SLC6A8: variants seen among roughly 807,000 people sequenced by gnomAD.
SLC6A8 encodes the protein solute carrier family 6 member 8.
In SLC6A8, 6 loss-of-function variants were observed where a neutral mutation model predicts 48.3. The observed-to-expected ratio is 0.12, with a 90% CI of 0.07 to 0.25. The LOEUF (loss-of-function observed/expected upper bound fraction) is 0.25, where lower values mean the gene tolerates loss of function less well. Among genes scored for constraint, SLC6A8 ranks in the 10% least tolerant of loss-of-function variants. The probability of loss-of-function intolerance (pLI) is 1.00; values close to 1 mark genes in which losing one functional copy is unlikely to be tolerated. For synonymous variants in SLC6A8, 245 were observed against 244.0 expected (o/e 1.00, Z -0.04); for missense variants, 260 against 551.5 (o/e 0.47, Z 5.29).
chrX:153,696,120 T>A lies in SLC6A8; in HGVS notation c.*906T>A. 1 of 210,486 alleles carries A rather than the reference T, an allele frequency of 4.8e-6. No individual in the cohort carries two copies. Among genetic ancestry groups the A allele is most frequent in the Non-Finnish European group, 8.9e-6 (1 of 112,585 alleles). 17.3% of individuals were successfully genotyped at this position (210,486 alleles called of 1,213,427 possible). Reference sequence around the variant, plus strand: ...CAAAAGCTTCGAGCTGTTGCGTGTGTGAGTCTGTTGTGTGGATGTGCGTGT... The same window carrying A: ...CAAAAGCTTCGAGCTGTTGCGTGTGAGAGTCTGTTGTGTGGATGTGCGTGT... On this transcript the variant is annotated 3_prime_UTR_variant, in exon 13 of 13. Coordinates refer to ENST00000253122, the MANE Select transcript of SLC6A8 (RefSeq NM_005629.4).
Position 153,696,204 on chromosome X carries a change from C to G in SLC6A8, c.*990C>G, listed in dbSNP as rs1557046163. Reference sequence around the variant, plus strand: ...GCATGGTGGGGGCCTCGGGGCTGTCCCCACGCTGTCCCTTTGCCACAAGTC... The same window carrying G: ...GCATGGTGGGGGCCTCGGGGCTGTCGCCACGCTGTCCCTTTGCCACAAGTC... On this transcript the variant is annotated 3_prime_UTR_variant, in exon 13 of 13. Transcript: ENST00000253122. The G allele has an allele frequency of 1.9e-5, 5 of 262,439 alleles. No homozygotes were observed. 21.6% of individuals were successfully genotyped at this position (262,439 alleles called of 1,213,427 possible).
At position 153,693,115 on chromosome X, in the gene SLC6A8, C is replaced by T. The variant is rs1557044971; in HGVS notation, c.852C>T (p.Gly284=). The T allele has an allele frequency of 9.9e-6, 12 of 1,208,916 alleles. No homozygotes were observed. The highest frequency in any genetic ancestry group is 5.3e-5 in the South Asian group (3 of 56,745). ...TGGTGCGTGGAGTGCTGCTGCCTGG[C>T]GCCCTGGATGGCATCATTTACTATC... ...VLLVRGVLLP[G]ALDGIIYYLK... is the part of the protein sequence containing the mutation. Residue 284 remains glycine, a synonymous_variant, in exon 5 of 13, where the codon GGC becomes GGT. Coordinates refer to ENST00000253122, the MANE Select transcript of SLC6A8 (RefSeq NM_005629.4).
Position 153,696,371 on chromosome X carries a change from A to G in SLC6A8, c.*1157A>G. 3.0e-6 allele frequency: 1 copy of G among 331,196 alleles called. No individual in the cohort carries two copies. Among genetic ancestry groups the G allele is most frequent in the Admixed American group, 3.1e-5 (1 of 32,317 alleles). 27.3% of individuals were successfully genotyped at this position (331,196 alleles called of 1,213,427 possible). ...CCACGTCCAGGCTTAAGGTGGATGC[A>G]CTTCCCGCACCTCCAGTCTTCTGTG... On this transcript the variant is annotated 3_prime_UTR_variant, in exon 13 of 13. Transcript: ENST00000253122.
At chrX:153,691,159 G>A in intron 2 of SLC6A8, 145 bp from the exon 3 acceptor site, 2 of 640,108 alleles carry the variant, frequency 3.1e-6, no homozygotes, top group Non-Finnish European at 2.5e-6. Context: ...ACACAAGGGG[G>A]AGCCCAGGGG....
rs1175985242 is a variant in SLC6A8 at position 153,694,760 on chromosome X, C to G, written c.1638C>G (p.Val546=). The G allele has an allele frequency of 8.3e-7, 1 of 1,211,005 alleles. No homozygotes were observed. The highest frequency in any genetic ancestry group is 1.1e-6 in the Non-Finnish European group (1 of 895,042). The part of the protein sequence containing the change: ...IFNVVYYEPL[V]YNNTYVYPWW... ...ACGTTGTGTACTACGAGCCGCTGGT[C>G]TACAACAACACCTACGTGTACCCGT... The change falls in exon 12 of 13, where the codon GTC becomes GTG. Residue 546 remains valine (V), a synonymous_variant. Transcript: ENST00000253122.
At position 153,690,572 on chromosome X, in the gene SLC6A8, CTT is replaced by C. The variant is rs2091449548; in HGVS notation, c.394+69_394+70del. Reference sequence around the variant, plus strand: ...CCCAGCTGGCTCCCACTTGAGAAATCTTTTCCTGTCGTGAGCACCAGGCCTGG... The same window carrying C: ...CCCAGCTGGCTCCCACTTGAGAAATCTTCCTGTCGTGAGCACCAGGCCTGG... On this transcript the variant is annotated intron_variant, in intron 2 of 12. Transcript: ENST00000253122. The C allele has an allele frequency of 5.4e-6, 6 of 1,104,055 alleles. No individual in the cohort carries two copies. The South Asian group carries it at 9.8e-5, about 18-fold the overall frequency. The allele number at this position is 1,104,055 out of a possible 1,213,427, so 91.0% of individuals were successfully genotyped here.
chrX:153,690,792 A>G (rs1453319762), intron 2 of SLC6A8: 6 of 333,004 alleles, frequency 1.8e-5, no homozygotes, highest in African/African-American at 1.6e-4. Flanking sequence ...TCCTACTGTT[A>G]CTATCCCCAA....
chrX:153,689,166 G>C (rs1224298180), intron 1 of SLC6A8, among the ~76,000 whole-genome samples: 12 of 112,405 alleles, frequency 1.1e-4, no homozygotes, highest in African/African-American at 3.5e-4. Flanking sequence ...AAGGAGCCCT[G>C]GCTGCCCCCA....
In SLC6A8 at chrX:153,693,775, C is replaced by T. The variant is rs141015652; in HGVS notation, c.1142-130C>T. 4,307 of 795,312 alleles carry T rather than the reference C, an allele frequency of 5.4e-3. 94 individuals are homozygous for T. The African/African-American group carries it at 0.059, about 11-fold the overall frequency. The allele number at this position is 795,312 out of a possible 1,213,427, so 65.5% of individuals were successfully genotyped here. On this transcript the variant is annotated intron_variant, in intron 7 of 12. Coordinates refer to ENST00000253122, the MANE Select transcript of SLC6A8 (RefSeq NM_005629.4). ...AGAGAAAGGACCTCCCAGCCCCTGC[C>T]GCACGACCCAGGGTTGACAGCGCCT...
chrX:153,694,065 G>A, intron 8 of SLC6A8, 48 bp downstream of exon 8: 1 of 1,199,973 alleles, frequency 8.3e-7, no homozygotes. Flanking sequence ...GGCGGAGGGA[G>A]GGCTGCAGGC....
Position 153,695,799 on chromosome X carries a change from T to C in SLC6A8, c.*585T>C, listed in dbSNP as rs782427829. ...CTGCGCCAATCGCCACCAGTATCAA[T>C]TGTGTGAGCTTGGGTGCGAGTGCAC... On this transcript the variant is annotated 3_prime_UTR_variant, in exon 13 of 13. Transcript: ENST00000253122. 1 of 138,856 alleles carries C rather than the reference T, an allele frequency of 7.2e-6. No homozygotes were observed. Among genetic ancestry groups the C allele is most frequent in the East Asian group, 1.9e-4 (1 of 5,164 alleles). 11.4% of individuals were successfully genotyped at this position (138,856 alleles called of 1,213,427 possible).
In SLC6A8 at chrX:153,695,447, C is replaced by A; in HGVS notation, c.*233C>A. ...ATGCCTCTCCCCCTCCAGCCCTAGC[C>A]GAGCTGGTCCTAGGCCCCGCCTAGT... is the stretch of plus-strand genomic sequence containing the variant. On this transcript the variant is annotated 3_prime_UTR_variant, in exon 13 of 13. Coordinates refer to ENST00000253122, the MANE Select transcript of SLC6A8 (RefSeq NM_005629.4). 1 of 428,034 alleles carries A rather than the reference C, an allele frequency of 2.3e-6. No homozygotes were observed. Among genetic ancestry groups the A allele is most frequent in the Non-Finnish European group, 4.1e-6 (1 of 242,506 alleles). The allele number at this position is 428,034 out of a possible 1,213,427, so 35.3% of individuals were successfully genotyped here. A position where few individuals can be genotyped will look rare whatever the true frequency, so the allele number is the denominator to read the frequency against.
Position 153,693,104 on chromosome X carries a change from C to A in SLC6A8, c.841C>A (p.Leu281Met), listed in dbSNP as rs2091466286. The A allele has an allele frequency of 8.3e-7, 1 of 1,210,554 alleles. No homozygotes were observed. Among genetic ancestry groups the A allele is most frequent in the Non-Finnish European group, 1.1e-6 (1 of 894,705 alleles). Reference protein sequence around the residue: ...VLVVLLVRGVLLPGALDGIIY... With the variant: ...VLVVLLVRGVMLPGALDGIIY... ...GGTCGTGCTGCTGGTGCGTGGAGTG[C>A]TGCTGCCTGGCGCCCTGGATGGCAT... Residue 281 changes from leucine to methionine, a missense_variant, in exon 5 of 13, where the codon CTG (leucine) becomes ATG (methionine). This residue lies in a region of SLC6A8 where 75 missense variants were observed against 248.8 expected (regional missense o/e 0.30). Coordinates refer to ENST00000253122, the MANE Select transcript of SLC6A8 (RefSeq NM_005629.4).
At chrX:153,692,311 C>T in intron 4 of SLC6A8, 1 of 487,342 alleles carries the variant, frequency 2.1e-6, no homozygotes, top group Non-Finnish European at 3.8e-6. Context: ...CCCTGGCAGG[C>T]ACTGTCCCTT....
intron 1 of SLC6A8, among the ~76,000 whole-genome samples, chrX:153,690,012 T>C (rs782626875): frequency 1.8e-5 from 2 of 112,823 alleles, no homozygotes; most frequent in Non-Finnish European, 3.8e-5. Context: ...CACATGCACG[T>C]GCCCTCACTG....
chrX:153,692,621 A>C (rs2091462336), intron 4 of SLC6A8: 4 of 338,374 alleles, frequency 1.2e-5, no homozygotes, highest in African/African-American at 2.7e-5. Flanking sequence ...GCCCAGTTCC[A>C]CTCTCCACCT....
At position 153,693,027 on chromosome X, in the gene SLC6A8, G is replaced by T. The variant is rs1197282239; in HGVS notation, c.778-14G>T. The T allele has an allele frequency of 8.3e-7, 1 of 1,210,846 alleles. No homozygotes were observed. The highest frequency in any genetic ancestry group is 3.0e-5 in the East Asian group (1 of 33,856). On this transcript the variant is annotated splice_polypyrimidine_tract_variant and intron_variant, in intron 4 of 12. Coordinates refer to ENST00000253122, the MANE Select transcript of SLC6A8 (RefSeq NM_005629.4). ...GTGGTGCCACAGCCTCCGCTGAGCA[G>T]CCTGGCCCCCCAGATCGTGTACTTC...
At chrX:153,688,869 C>G in intron 1 of SLC6A8, 33 bp downstream of exon 1, 1 of 974,142 alleles carries the variant, frequency 1.0e-6, no homozygotes, top group Non-Finnish European at 1.4e-6. Flanking sequence ...GCCTCCTCCC[C>G]CAGCAGGCCG....
chrX:153,691,536 T>C lies in SLC6A8; in HGVS notation c.627T>C (p.Pro209=), dbSNP rs1057521539. Residue 209 remains proline (P), a synonymous_variant, in exon 3 of 13, where the codon CCT becomes CCC. Coordinates refer to ENST00000253122, the MANE Select transcript of SLC6A8 (RefSeq NM_005629.4). ...ACCAGCTTGCTGACCGCCGGTCCCC[T>C]GTCATCGAGTTCTGGGAGTGAGTCC... ...TCDQLADRRS[P]VIEFWENKVL... The C allele has an allele frequency of 1.7e-6, 2 of 1,210,847 alleles. No individual in the cohort carries two copies. Among genetic ancestry groups the C allele is most frequent in the African/African-American group, 3.5e-5 (2 of 57,671 alleles).
Sources: allele counts gnomAD v4.1 joint callset (sites outside exome capture counted in the v4.1 genomes callset), GRCh38; gene constraint gnomAD v4.1.1; regional missense constraint gnomAD v4.1.1; transcripts MANE v1.5; gene names NCBI Gene and HGNC (gene_info 2026-07-23, HGNC 2026-07-21).